GNPTAB: variants seen among roughly 807,000 people sequenced by gnomAD.
GNPTAB encodes the protein N-acetylglucosamine-1-phosphate transferase subunits alpha and beta, also known as N-acetylglucosamine-1-phosphotransferase subunits alpha/beta.
A neutral mutation model predicts 136.6 loss-of-function variants in GNPTAB; 92 were observed. That is an observed-to-expected ratio of 0.67 (90% CI 0.57 to 0.80). The LOEUF (loss-of-function observed/expected upper bound fraction) is 0.80, where lower values mean the gene tolerates loss of function less well. GNPTAB is among the 30% of genes least tolerant of loss of function. The pLI, the probability that GNPTAB is intolerant of heterozygous loss-of-function variation, is 0.00. For missense variants in GNPTAB, 1,343 were observed against 1,501.8 expected, an observed-to-expected ratio of 0.89 and a Z score of 1.75; for synonymous variants, 512 against 535.1, an observed-to-expected ratio of 0.96 and a Z score of 0.60.
rs767720615 is a variant in GNPTAB at position 101,786,124 on chromosome 12, G to T, written c.459C>A (p.Asp153Glu). The stretch of plus-strand genomic sequence containing the variant: ...GAAAAGAAGGATAAAGAGATGGCAG[G>T]TCCTTCAGGGTGATGTTGGCTGGCA... ...PALPANITLKDLPSLYPSFHS... is the reference protein window; with the variant it reads ...PALPANITLKELPSLYPSFHS... The change falls in exon 5 of 21, where the codon GAC becomes GAA. Residue 153 changes from aspartate (D) to glutamate (E), a missense_variant. Asp to Glu is a conservative substitution (Grantham distance 45). Transcript: ENST00000299314. 1 of 1,614,018 alleles carries T rather than the reference G, an allele frequency of 6.2e-7. No homozygotes were observed.
chr12:101,827,940 G>C (rs1156774042), intron 1 of GNPTAB, among the ~76,000 whole-genome samples: 1 of 152,070 alleles, frequency 6.6e-6, no homozygotes, highest in African/African-American at 2.4e-5. Context: ...GCACTCCAGC[G>C]TGGGCAAGAG....
chr12:101,773,378 A>AT, intron 7 of GNPTAB: 1 of 296,436 alleles, frequency 3.4e-6, no homozygotes. Flanking sequence ...CTGCTTATAC[A>AT]TTTTCACGAA....
chr12:101,824,997 C>T (rs1871013787), intron 1 of GNPTAB, among the ~76,000 whole-genome samples: 1 of 152,194 alleles, frequency 6.6e-6, no homozygotes, highest in Admixed American at 6.5e-5. Flanking sequence ...TGTTTAAACT[C>T]CTACTTGTCC....
intron 18 of GNPTAB, 135 bp from the exon 19 acceptor site, chr12:101,753,674 G>A: frequency 1.3e-6 from 1 of 749,822 alleles, no homozygotes; most frequent in Middle Eastern, 3.4e-4. Context: ...TGATTCTCTG[G>A]GGGAATGATA....
intron 7 of GNPTAB, among the ~76,000 whole-genome samples, chr12:101,776,123 TCAA>T: frequency 6.6e-6 from 1 of 152,200 alleles, no homozygotes; most frequent in Non-Finnish European, 1.5e-5. Flanking sequence ...GCACACTCAC[TCAA>T]CAACTACTAT....
chr12:101,807,071 G>T (rs1324529245), intron 1 of GNPTAB, among the ~76,000 whole-genome samples: 1 of 152,010 alleles, frequency 6.6e-6, no homozygotes, highest in African/African-American at 2.4e-5. Context: ...TATATAAAAA[G>T]AATTATTTAC....
At chr12:101,807,856 C>G (rs773967654) in intron 1 of GNPTAB, among the ~76,000 whole-genome samples, 3 of 152,112 alleles carry the variant, frequency 2.0e-5, no homozygotes, top group Non-Finnish European at 4.4e-5. Context: ...CACTGTACTC[C>G]AGCCTGTGCA....
chr12:101,758,138 A>G (rs1426760721), intron 16 of GNPTAB, among the ~76,000 whole-genome samples: 3 of 151,294 alleles, frequency 2.0e-5, no homozygotes, highest in African/African-American at 7.3e-5. Context: ...TCTCGGGTTC[A>G]AGTGATTCTC....
intron 4 of GNPTAB, among the ~76,000 whole-genome samples, chr12:101,787,704 G>A (rs1363271916): frequency 2.0e-5 from 3 of 151,902 alleles, no homozygotes; most frequent in African/African-American, 7.3e-5. Context: ...ACCTGAGGTC[G>A]GGAGTTTGAG....
intron 17 of GNPTAB, 113 bp downstream of exon 17, chr12:101,757,459 C>T (rs1952918407): frequency 2.6e-6 from 2 of 776,800 alleles, no homozygotes. Context: ...CAAACAATCT[C>T]ATATAAATTT....
chr12:101,773,026 G>C (rs1470038039), intron 7 of GNPTAB: 1 of 165,228 alleles, frequency 6.1e-6, no homozygotes, highest in Non-Finnish European at 1.3e-5. Context: ...CATCACATTG[G>C]CCAGGCTGGT....
intron 5 of GNPTAB, 136 bp from the exon 6 acceptor site, chr12:101,780,757 G>T: frequency 1.4e-6 from 1 of 693,742 alleles, no homozygotes; most frequent in Non-Finnish European, 2.6e-6. Flanking sequence ...AGCTGAAGGA[G>T]ACAAAATTAG....
intron 1 of GNPTAB, among the ~76,000 whole-genome samples, chr12:101,811,779 C>T (rs370576782): frequency 7.4e-4 from 113 of 151,874 alleles, no homozygotes; most frequent in African/African-American, 2.6e-3. Flanking sequence ...GCTGGGATTA[C>T]AGGTGCCTGC....
intron 12 of GNPTAB, 114 bp from the exon 13 acceptor site, chr12:101,765,418 T>C: frequency 1.3e-6 from 1 of 767,770 alleles, no homozygotes; most frequent in Non-Finnish European, 2.2e-6. Context: ...TAATAGGGAA[T>C]GCATCATGAA....
chr12:101,747,321 C>T (rs1952748681), intron 20 of GNPTAB, 80 bp from the exon 21 acceptor site: 1 of 784,284 alleles, frequency 1.3e-6, no homozygotes, highest in Admixed American at 1.9e-5. Flanking sequence ...TTCTAAGAGC[C>T]ATATGACCTT....
Position 101,761,728 on chromosome 12 carries a change from G to A in GNPTAB, c.2751C>T (p.Phe917=). ...GCCTCCCAGTATTTTTGCTATCAGT[G>A]AAGTATGCCAATTGTGTCTTCAATG... The part of the protein sequence containing the change: ...EESLKTQLAY[F]TDSKNTGRQL... Residue 917 remains phenylalanine, a synonymous_variant, in exon 14 of 21, where the codon TTC becomes TTT. Coordinates refer to ENST00000299314, the MANE Select transcript of GNPTAB (RefSeq NM_024312.5). 1 of 1,613,668 alleles carries A rather than the reference G, an allele frequency of 6.2e-7. No individual in the cohort carries two copies. The highest frequency in any genetic ancestry group is 8.5e-7 in the Non-Finnish European group (1 of 1,179,608).
intron 1 of GNPTAB, among the ~76,000 whole-genome samples, chr12:101,825,897 T>G (rs747661384): frequency 9.8e-5 from 15 of 152,310 alleles, no homozygotes; most frequent in Non-Finnish European, 1.8e-4. Context: ...GTAACTCAGT[T>G]TGGGAACCAC....
chr12:101,772,658 T>G (rs960149263), intron 7 of GNPTAB, among the ~76,000 whole-genome samples: 15 of 152,154 alleles, frequency 9.9e-5, no homozygotes, highest in African/African-American at 3.6e-4. Context: ...TGCCGGGTGC[T>G]GGGAGGCAGG....
At chr12:101,816,663 C>A (rs1251423408) in intron 1 of GNPTAB, among the ~76,000 whole-genome samples, 1 of 152,110 alleles carries the variant, frequency 6.6e-6, no homozygotes, top group Non-Finnish European at 1.5e-5. Flanking sequence ...AAAAATAGAA[C>A]GACTATATGA....
Sources: allele counts gnomAD v4.1 joint callset (sites outside exome capture counted in the v4.1 genomes callset), GRCh38; gene constraint gnomAD v4.1.1; transcripts MANE v1.5; gene names NCBI Gene and HGNC (gene_info 2026-07-23, HGNC 2026-07-21).